Variants in SLC1A2 observed in about 807,000 individuals in gnomAD.
The protein encoded by SLC1A2 is solute carrier family 1 member 2.
Under a neutral mutation model 48.8 loss-of-function variants are expected in SLC1A2, and 15 were observed. The ratio of observed to expected loss-of-function variants is 0.31; its 90% CI spans 0.21 to 0.47. The LOEUF (loss-of-function observed/expected upper bound fraction) is 0.47. Among genes scored for constraint, SLC1A2 ranks in the 20% least tolerant of loss-of-function variants. The pLI, the probability that SLC1A2 is intolerant of heterozygous loss-of-function variation, is 0.99. For synonymous variants in SLC1A2, 279 were observed against 272.6 expected (o/e 1.02, Z -0.23); for missense variants, 502 against 730.5 (o/e 0.69, Z 3.61).
In SLC1A2 at chr11:35,312,300, C is replaced by G; in HGVS notation, c.459G>C (p.Leu153=). 6.2e-7 allele frequency: 1 copy of G among 1,614,136 alleles called. No homozygotes were observed. The highest frequency in any genetic ancestry group is 2.2e-5 in the East Asian group (1 of 44,886). ...CTTCATCATTCTTCTTCCCAGGCCC[C>G]AGCTGCTTCTTGAGCTTGGGATTGC... The part of the protein sequence containing the change: ...HPGNPKLKKQ[L]GPGKKNDEVS... The change falls in exon 4 of 11, where the codon CTG becomes CTC. Residue 153 remains leucine, a synonymous_variant. Transcript: ENST00000278379.
intron 7 of SLC1A2, among the ~76,000 whole-genome samples, chr11:35,290,503 TA>T (rs1386224755): frequency 6.6e-6 from 1 of 152,044 alleles, no homozygotes; most frequent in South Asian, 2.1e-4. Flanking sequence ...AAAGACTAAT[TA>T]AAAGGTTATG....
chr11:35,311,999 T>G, intron 4 of SLC1A2, 199 bp downstream of exon 4: 1 of 420,238 alleles, frequency 2.4e-6, no homozygotes, highest in South Asian at 5.0e-5. Context: ...AAAAAAGGGA[T>G]GTTTAAAAAA....
intron 1 of SLC1A2, among the ~76,000 whole-genome samples, chr11:35,416,122 C>T (rs1049985583): frequency 6.6e-6 from 1 of 152,168 alleles, no homozygotes; most frequent in African/African-American, 2.4e-5. Context: ...AAACTGGATG[C>T]TAATAATCTC....
At chr11:35,301,461 C>T in intron 6 of SLC1A2, 58 bp downstream of exon 6, 1 of 1,581,710 alleles carries the variant, frequency 6.3e-7, no homozygotes, top group South Asian at 1.1e-5. Context: ...CCAGTATCCT[C>T]TGGGGACCCC....
intron 1 of SLC1A2, among the ~76,000 whole-genome samples, chr11:35,389,885 T>C (rs1424780881): frequency 6.6e-6 from 1 of 152,214 alleles, no homozygotes; most frequent in African/African-American, 2.4e-5. Context: ...AGTGTTGGAT[T>C]ACAAGCATGA....
chr11:35,362,497 T>A (rs948664082), intron 1 of SLC1A2, among the ~76,000 whole-genome samples: 1 of 152,216 alleles, frequency 6.6e-6, no homozygotes, highest in Admixed American at 6.5e-5. Flanking sequence ...TTGGACAGAT[T>A]ATCTAACATC....
intron 1 of SLC1A2, among the ~76,000 whole-genome samples, chr11:35,351,089 A>G (rs923059495): frequency 3.3e-5 from 5 of 152,220 alleles, no homozygotes; most frequent in Admixed American, 1.3e-4. Context: ...ACATTCATTG[A>G]GTACTTACTC....
chr11:35,377,788 T>G (rs1376595218), intron 1 of SLC1A2, among the ~76,000 whole-genome samples: 1 of 152,264 alleles, frequency 6.6e-6, no homozygotes, highest in East Asian at 1.9e-4. Flanking sequence ...CAAATCCAGA[T>G]AATTCAGACC....
chr11:35,396,871 T>C (rs1282132163), intron 1 of SLC1A2, among the ~76,000 whole-genome samples: 2 of 151,830 alleles, frequency 1.3e-5, no homozygotes, highest in Non-Finnish European at 2.9e-5. Context: ...ACAAGCATTC[T>C]TATACACCAA....
At chr11:35,382,588 G>C (rs921756019) in intron 1 of SLC1A2, among the ~76,000 whole-genome samples, 1 of 152,212 alleles carries the variant, frequency 6.6e-6, no homozygotes, top group Non-Finnish European at 1.5e-5. Context: ...TTGAGCTCAG[G>C]AGTTCAAGCC....
chr11:35,265,486 T>C, intron 10 of SLC1A2, 41 bp downstream of exon 10: 1 of 976,940 alleles, frequency 1.0e-6, no homozygotes, highest in Non-Finnish European at 1.6e-6. Context: ...AAGCATGCAC[T>C]ACTATATACA....
rs570533056 is a variant in SLC1A2 at position 35,309,701 on chromosome 11, T to C, written c.561+2497A>G. ...TTTAAATGACTTCTAGCTGTACTCA[T>C]GGACACAGAAGATGTCTCTCACGCA... On this transcript the variant is annotated intron_variant, in intron 4 of 10. Coordinates refer to ENST00000278379, the MANE Select transcript of SLC1A2 (RefSeq NM_004171.4). Among the ~76,000 whole-genome samples, 5 of 148,238 alleles carry C rather than the reference T, an allele frequency of 3.4e-5. No homozygotes were observed. In the South Asian group the frequency reaches 1.1e-3, roughly 31 times the overall value.
rs368423146 is a variant in SLC1A2, at chr11:35,386,027, A to G, written c.17+32923T>C. Among the ~76,000 whole-genome samples, 174 of 152,288 alleles carry G rather than the reference A, an allele frequency of 1.1e-3. 5 individuals carry two copies. In the East Asian group the frequency reaches 0.029, roughly 25 times the overall value. On this transcript the variant is annotated intron_variant, in intron 1 of 10. Transcript: ENST00000278379. ...CTAAAATACAAAAAATTAGCCGGGC[A>G]TGGTGGCGGATGCCTGTAGTCCCAG...
At chr11:35,268,856 G>A (rs750712682) in intron 9 of SLC1A2, among the ~76,000 whole-genome samples, 2 of 152,052 alleles carry the variant, frequency 1.3e-5, no homozygotes, top group African/African-American at 2.4e-5. Context: ...GTGAACACAG[G>A]CGGTACCATT....
In SLC1A2 at chr11:35,292,493, C is replaced by G. The variant is rs1266457184; in HGVS notation, c.885G>C (p.Leu295=). ...TGATTGCAATGATCTTTCCACAGAT[C>G]AGGCAGGCGATACCCAGGGGAGAGT... is the stretch of plus-strand genomic sequence containing the variant. ...MWYSPLGIAC[L]ICGKIIAIKD... The change falls in exon 7 of 11, where the codon CTG becomes CTC. Residue 295 remains leucine (L), a synonymous_variant. Transcript: ENST00000278379. 1 of 1,613,666 alleles carries G rather than the reference C, an allele frequency of 6.2e-7. No homozygotes were observed. Among genetic ancestry groups the G allele is most frequent in the Admixed American group, 1.7e-5 (1 of 59,968 alleles).
intron 1 of SLC1A2, among the ~76,000 whole-genome samples, chr11:35,329,750 C>A (rs1315747311): frequency 3.3e-5 from 5 of 152,158 alleles, no homozygotes; most frequent in Non-Finnish European, 7.3e-5. Context: ...CTACTCTAAC[C>A]ATCCCGCCGT....
In SLC1A2 at chr11:35,306,190, G is replaced by C; in HGVS notation, c.614C>G (p.Ala205Gly). ...AGAGACAACAGCGCTGGTTGCGTTG[G>C]CCTCCTCGTCCGGCGGTGGTGCAAC... is the stretch of plus-strand genomic sequence containing the variant. The part of the protein sequence containing the change: ...VLVAPPPDEE[A>G]NATSAVVSLL... Residue 205 changes from alanine (A) to glycine (G), a missense_variant, in exon 5 of 11, where the codon GCC (alanine) becomes GGC (glycine). By Grantham distance (60) the Ala-to-Gly change is moderately conservative. Transcript: ENST00000278379. 1 of 1,613,942 alleles carries C rather than the reference G, an allele frequency of 6.2e-7. No individual in the cohort carries two copies. Among genetic ancestry groups the C allele is most frequent in the Non-Finnish European group, 8.5e-7 (1 of 1,179,926 alleles).
chr11:35,263,783 C>T (rs1036008404), intron 10 of SLC1A2, among the ~76,000 whole-genome samples: 1 of 152,130 alleles, frequency 6.6e-6, no homozygotes, highest in Non-Finnish European at 1.5e-5. Flanking sequence ...TTTTTGCTGT[C>T]CTCCAGTGCC....
At chr11:35,402,594 G>A (rs994716090) in intron 1 of SLC1A2, among the ~76,000 whole-genome samples, 2 of 152,198 alleles carry the variant, frequency 1.3e-5, no homozygotes, top group Admixed American at 1.3e-4. Flanking sequence ...TGAGGAGGGT[G>A]TTGTGGAAAC....
Sources: gnomAD v4.1 joint callset for allele counts (sites outside exome capture counted in the v4.1 genomes callset) on GRCh38, gnomAD v4.1.1 for gene constraint, MANE v1.5 for transcripts, NCBI Gene and HGNC (gene_info 2026-07-23, HGNC 2026-07-21) for gene names.